Variants in ITGA9 observed in about 807,000 individuals in gnomAD.
ITGA9 encodes integrin alpha-9.
In ITGA9, 56 loss-of-function variants were observed where a neutral mutation model predicts 127.8. That is an observed-to-expected ratio of 0.44 (90% confidence interval 0.35 to 0.55). The LOEUF (loss-of-function observed/expected upper bound fraction) is 0.55. ITGA9 is among the 20% of genes least tolerant of loss of function. The probability of loss-of-function intolerance (pLI) is 0.00; values close to 1 mark genes in which losing one functional copy is unlikely to be tolerated. For missense variants in ITGA9, 1,196 were observed against 1,347.1 expected (o/e 0.89, Z 1.76); for synonymous variants, 508 against 514.5 (o/e 0.99, Z 0.17).
chr3:37,810,830 A>G (rs949325904), intron 27 of ITGA9, among the ~76,000 whole-genome samples: 1 of 152,240 alleles, frequency 6.6e-6, no homozygotes, highest in Non-Finnish European at 1.5e-5. Context: ...CCACCTACGC[A>G]TGCACTGTGG....
At chr3:37,656,046 G>A (rs1026677640) in intron 17 of ITGA9, among the ~76,000 whole-genome samples, 1 of 152,096 alleles carries the variant, frequency 6.6e-6, no homozygotes, top group South Asian at 2.1e-4. Flanking sequence ...TGTTCCATTG[G>A]TCTATATCTC....
chr3:37,579,649 A>G (rs1038830421), intron 15 of ITGA9, among the ~76,000 whole-genome samples: 1 of 152,190 alleles, frequency 6.6e-6, no homozygotes, highest in African/African-American at 2.4e-5. Context: ...TTGGTTAGGC[A>G]TATAGTCTCT....
At chr3:37,768,273 A>T (rs1015058111) in intron 23 of ITGA9, among the ~76,000 whole-genome samples, 1 of 152,274 alleles carries the variant, frequency 6.6e-6, no homozygotes, top group African/African-American at 2.4e-5. Flanking sequence ...ATATGAAGCT[A>T]TCTTATTTAT....
At chr3:37,473,136 C>CAAAA (rs36109791) in intron 2 of ITGA9, among the ~76,000 whole-genome samples, 332 of 70,370 alleles carry the variant, frequency 4.7e-3, no homozygotes, top group Middle Eastern at 9.4e-3. Flanking sequence ...GAGACTGTCT[C>CAAAA]AAAAAAAAAA....
intron 5 of ITGA9, among the ~76,000 whole-genome samples, chr3:37,496,209 C>A (rs1345614199): frequency 6.6e-6 from 1 of 152,188 alleles, no homozygotes; most frequent in African/African-American, 2.4e-5. Flanking sequence ...GGCAGAAAGT[C>A]TGAAGTTTTA....
At chr3:37,696,359 A>G (rs570898473) in intron 18 of ITGA9, among the ~76,000 whole-genome samples, 5 of 152,206 alleles carry the variant, frequency 3.3e-5, no homozygotes, top group Non-Finnish European at 7.3e-5. Context: ...TATTTGTCAG[A>G]TCCTGCTCAA....
At chr3:37,494,422 C>A in intron 4 of ITGA9, 79 bp from the exon 5 acceptor site, 1 of 1,030,856 alleles carries the variant, frequency 9.7e-7, no homozygotes, top group Non-Finnish European at 1.5e-6. Flanking sequence ...AAGTGGCTGG[C>A]TGGCTCTGCT....
chr3:37,692,105 T>C (rs1266147134), intron 18 of ITGA9, among the ~76,000 whole-genome samples: 3 of 152,162 alleles, frequency 2.0e-5, no homozygotes, highest in Non-Finnish European at 4.4e-5. Context: ...TTTCTTTCTC[T>C]ATAAAGTGGG....
intron 17 of ITGA9, among the ~76,000 whole-genome samples, chr3:37,675,310 A>G (rs994577221): frequency 2.0e-5 from 3 of 152,202 alleles, no homozygotes; most frequent in Non-Finnish European, 4.4e-5. Context: ...AGAGCTCCCC[A>G]GCAAGATTAA....
At chr3:37,772,165 G>A (rs1236270592) in intron 23 of ITGA9, among the ~76,000 whole-genome samples, 1 of 152,090 alleles carries the variant, frequency 6.6e-6, no homozygotes, top group African/African-American at 2.4e-5. Context: ...CAACACTTTG[G>A]GAGGCCAAGG....
Position 37,818,872 on chromosome 3 carries a change from C to G in ITGA9, c.3010-19C>G, listed in dbSNP as rs368346681. ...CTTCAGCACTTCTAACTCAGCTTCT[C>G]TTTCTTTCTGCCTTTCAGATGGGCT... On this transcript the variant is annotated intron_variant, in intron 27 of 27. Coordinates refer to ENST00000264741, the MANE Select transcript of ITGA9 (RefSeq NM_002207.3). 6.3e-6 allele frequency: 10 copies of G among 1,594,226 alleles called. No individual in the cohort carries two copies. The African/African-American group carries it at 8.1e-5, about 13-fold the overall frequency.
intron 25 of ITGA9, among the ~76,000 whole-genome samples, chr3:37,780,664 A>G (rs1696966209): frequency 6.6e-6 from 1 of 152,228 alleles, no homozygotes; most frequent in East Asian, 1.9e-4. Context: ...TTTTTATACA[A>G]TACTTCTTTC....
In ITGA9 at chr3:37,821,765, G is replaced by T. The variant is rs754054839; in HGVS notation, c.*2776G>T. 5 of 151,868 alleles carry T rather than the reference G, an allele frequency of 3.3e-5. No individual in the cohort carries two copies. Among genetic ancestry groups the T allele is most frequent in the African/African-American group, 1.2e-4 (5 of 41,328 alleles). The allele number at this position is 151,868 out of a possible 1,614,324, so 9.4% of individuals were successfully genotyped here. On this transcript the variant is annotated 3_prime_UTR_variant, in exon 28 of 28. Transcript: ENST00000264741. ...CTGCGTGGGTGGACCCACATGAGCA[G>T]CTGTATACCCAGGAGGTCACTAAGA...
chr3:37,736,988 G>T lies in ITGA9; in HGVS notation c.2234+5G>T, dbSNP rs1163464178. The T allele has an allele frequency of 6.4e-7, 1 of 1,551,832 alleles. No homozygotes were observed. The highest frequency in any genetic ancestry group is 1.7e-5 in the Admixed American group (1 of 59,782). On this transcript the variant is annotated splice_donor_5th_base_variant and intron_variant, in intron 20 of 27. Coordinates refer to ENST00000264741, the MANE Select transcript of ITGA9 (RefSeq NM_002207.3). ...CTTCATTGTTACTGCTCAGAGGTAA[G>T]GGGGGGGTTTAAACACTTTTTTCAA...
chr3:37,617,298 C>A (rs1575168714), intron 15 of ITGA9, among the ~76,000 whole-genome samples: 1 of 152,178 alleles, frequency 6.6e-6, no homozygotes, highest in Non-Finnish European at 1.5e-5. Flanking sequence ...GCCCCCACTC[C>A]CATCTGGCTT....
chr3:37,733,921 C>T (rs1696327581), intron 19 of ITGA9, among the ~76,000 whole-genome samples: 1 of 152,208 alleles, frequency 6.6e-6, no homozygotes. Context: ...CTAAAATAAT[C>T]TTAGTGTACC....
At chr3:37,595,513 A>G (rs868048971) in intron 15 of ITGA9, among the ~76,000 whole-genome samples, 3 of 152,268 alleles carry the variant, frequency 2.0e-5, no homozygotes, top group African/African-American at 7.2e-5. Context: ...CCGGAACAGC[A>G]TAAACACTGC....
At chr3:37,482,776 A>G (rs903218592) in intron 4 of ITGA9, among the ~76,000 whole-genome samples, 1 of 152,194 alleles carries the variant, frequency 6.6e-6, no homozygotes, top group Non-Finnish European at 1.5e-5. Context: ...TCTCCCCTAT[A>G]GAGTGAGCCT....
At chr3:37,657,631 A>AAAG (rs1401190284) in intron 17 of ITGA9, among the ~76,000 whole-genome samples, 1 of 150,754 alleles carries the variant, frequency 6.6e-6, no homozygotes, top group Non-Finnish European at 1.5e-5. Flanking sequence ...TTTCAAAAAA[A>AAAG]AAAACCAGCT....
Sources: gnomAD v4.1 joint callset for allele counts (sites outside exome capture counted in the v4.1 genomes callset) on GRCh38, gnomAD v4.1.1 for gene constraint, MANE v1.5 for transcripts, NCBI Gene and HGNC (gene_info 2026-07-23, HGNC 2026-07-21) for gene names.